The following GAS2 variants were observed in gnomAD, a reference collection of about 807,000 sequenced individuals.
GAS2 encodes growth arrest specific 2.
Under a neutral mutation model 37.5 loss-of-function variants are expected in GAS2, and 20 were observed. That is an observed-to-expected ratio of 0.53 (90% CI 0.37 to 0.77). GAS2 has a LOEUF of 0.77. Ranked by LOEUF, GAS2 falls within the 30% of genes least tolerant of loss-of-function variation. The probability of loss-of-function intolerance (pLI) is 0.00; values close to 1 mark genes in which losing one functional copy is unlikely to be tolerated. For synonymous variants in GAS2, 144 were observed against 132.2 expected, an observed-to-expected ratio of 1.09 and a Z score of -0.61; for missense variants, 336 against 373.4, an observed-to-expected ratio of 0.90 and a Z score of 0.82.
Position 22,726,299 on chromosome 11 carries a change from C to A in GAS2, c.275C>A (p.Pro92Gln). ...MDANKPTKNL[P>Q]LKKIPCKTSA... ...AATTTCTTTATTTTTCAGAATCTACCGTTGAAGAAGATCCCATGCAAAACC... is the reference window on the plus strand; with the variant it reads ...AATTTCTTTATTTTTCAGAATCTACAGTTGAAGAAGATCCCATGCAAAACC... Residue 92 changes from proline to glutamine, a missense_variant, in exon 4 of 8, where the codon CCG (proline) becomes CAG (glutamine). Transcript: ENST00000454584. 2 of 1,597,390 alleles carry A rather than the reference C, an allele frequency of 1.3e-6. No individual in the cohort carries two copies. Among genetic ancestry groups the A allele is most frequent in the Non-Finnish European group, 1.7e-6 (2 of 1,175,994 alleles).
chr11:22,760,364 G>A (rs1205786469), intron 7 of GAS2, among the ~76,000 whole-genome samples: 1 of 152,104 alleles, frequency 6.6e-6, no homozygotes, highest in Non-Finnish European at 1.5e-5. Flanking sequence ...AAATTCTTGG[G>A]GCTTCCCCAA....
intron 4 of GAS2, among the ~76,000 whole-genome samples, chr11:22,729,275 C>G (rs533570994): frequency 6.6e-6 from 1 of 151,828 alleles, no homozygotes; most frequent in South Asian, 2.1e-4. Flanking sequence ...GATATGCTAC[C>G]CTCTGTTGCA....
intron 5 of GAS2, among the ~76,000 whole-genome samples, chr11:22,748,690 G>A (rs753002805): frequency 6.6e-6 from 1 of 151,826 alleles, no homozygotes; most frequent in Non-Finnish European, 1.5e-5. Context: ...TTATTTCTGG[G>A]GATTGCTGTT....
intron 1 of GAS2, among the ~76,000 whole-genome samples, chr11:22,630,555 G>T (rs1590547778): frequency 6.6e-6 from 1 of 152,286 alleles, no homozygotes; most frequent in South Asian, 2.1e-4. Context: ...CTACTCATCT[G>T]ACAAAGGGCT....
intron 2 of GAS2, among the ~76,000 whole-genome samples, chr11:22,680,215 G>A (rs939467804): frequency 2.0e-5 from 3 of 152,082 alleles, no homozygotes; most frequent in Middle Eastern, 3.4e-3. Context: ...GGTATCTTCC[G>A]TTAGTTCAAA....
intron 1 of GAS2, among the ~76,000 whole-genome samples, chr11:22,653,015 C>CTTTCTTTCTTTCTTTCTTTT (rs1565067527): frequency 1.5e-5 from 2 of 132,250 alleles, no homozygotes; most frequent in African/African-American, 5.6e-5. Flanking sequence ...TTCTTTCTTT[C>CTTTCTTTCTTTCTTTCTTTT]TTTCTTTCTT....
intron 1 of GAS2, among the ~76,000 whole-genome samples, chr11:22,674,598 T>C (rs539299314): frequency 3.0e-4 from 46 of 152,336 alleles, no homozygotes; most frequent in African/African-American, 9.9e-4. Flanking sequence ...AGTATATTGT[T>C]TCATACAAAC....
chr11:22,693,482 G>A (rs531790197), intron 3 of GAS2, among the ~76,000 whole-genome samples: 1 of 152,144 alleles, frequency 6.6e-6, no homozygotes, highest in South Asian at 2.1e-4. Flanking sequence ...TTTTTGCAAT[G>A]TTCAGGTCAT....
At chr11:22,709,557 C>A (rs1380526497) in intron 3 of GAS2, among the ~76,000 whole-genome samples, 1 of 152,108 alleles carries the variant, frequency 6.6e-6, no homozygotes, top group African/African-American at 2.4e-5. Flanking sequence ...ATTATTAGTG[C>A]AGTGAAGTTA....
At chr11:22,802,382 C>T (rs1856704171) in intron 7 of GAS2, among the ~76,000 whole-genome samples, 1 of 151,352 alleles carries the variant, frequency 6.6e-6, no homozygotes. Context: ...GGGTGCAGCA[C>T]ACCAACATGG....
chr11:22,702,371 T>C (rs1850885144), intron 3 of GAS2: 1 of 152,176 alleles, frequency 6.6e-6, no homozygotes, highest in Non-Finnish European at 1.5e-5. Flanking sequence ...AGGATGAAGT[T>C]TGTTGAACTG....
At chr11:22,789,303 T>TATATAC (rs1350750428) in intron 7 of GAS2, among the ~76,000 whole-genome samples, 1 of 111,120 alleles carries the variant, frequency 9.0e-6, no homozygotes, top group East Asian at 2.4e-4. Flanking sequence ...TATATATATA[T>TATATAC]ACACACACAC....
At chr11:22,651,863 A>C (rs1425597236) in intron 1 of GAS2, among the ~76,000 whole-genome samples, 1 of 152,120 alleles carries the variant, frequency 6.6e-6, no homozygotes, top group Non-Finnish European at 1.5e-5. Context: ...CTTTGGTTTG[A>C]ATTTCCTCCC....
intron 7 of GAS2, among the ~76,000 whole-genome samples, chr11:22,803,332 ATT>A: frequency 6.6e-6 from 1 of 152,274 alleles, no homozygotes; most frequent in Non-Finnish European, 1.5e-5. Flanking sequence ...ATCTTCTGAA[ATT>A]AAATTTAATG....
At chr11:22,761,030 C>G (rs966766719) in intron 7 of GAS2, among the ~76,000 whole-genome samples, 2 of 152,130 alleles carry the variant, frequency 1.3e-5, no homozygotes, top group Non-Finnish European at 2.9e-5. Context: ...GAACTTATAG[C>G]ATATTTTTCG....
Position 22,751,714 on chromosome 11 carries a change from G to T in GAS2, c.615+2453G>T, listed in dbSNP as rs115844815. Among the ~76,000 whole-genome samples the T allele has an allele frequency of 6.7e-3, 1,012 of 152,022 alleles. 17 individuals are homozygous for T. The highest frequency in any genetic ancestry group is 0.023 in the African/African-American group (957 of 41,502). On this transcript the variant is annotated intron_variant, in intron 6 of 7. Coordinates refer to ENST00000454584, the MANE Select transcript of GAS2 (RefSeq NM_001143830.3). ...GATGATTTTCTTTCTTCACTAGCTT[G>T]TCCCCTATCTGGCAATCCTTGAGAT...
At chr11:22,749,289 C>T (rs771549329) in intron 6 of GAS2, 28 bp downstream of exon 6, 1 of 1,599,402 alleles carries the variant, frequency 6.3e-7, no homozygotes, top group South Asian at 1.1e-5. Context: ...GACTTCTTAC[C>T]AACGGTTAGT....
At chr11:22,662,892 A>AG (rs1297114965), upstream of GAS2, among the ~76,000 whole-genome samples, 1 of 152,126 alleles carries the variant, frequency 6.6e-6, no homozygotes, top group African/African-American at 2.4e-5. Flanking sequence ...AAAAAAAAAA[A>AG]AAATAAAAAT....
chr11:22,747,598 C>T (rs920530823), intron 5 of GAS2, among the ~76,000 whole-genome samples: 3 of 152,052 alleles, frequency 2.0e-5, no homozygotes, highest in Non-Finnish European at 2.9e-5. Context: ...AAAAGACTTG[C>T]ATGTCACCTT....
Sources: allele counts gnomAD v4.1 joint callset (sites outside exome capture counted in the v4.1 genomes callset), GRCh38; gene constraint gnomAD v4.1.1; transcripts MANE v1.5; gene names NCBI Gene and HGNC (gene_info 2026-07-23, HGNC 2026-07-21).